Variants in PIKFYVE observed in about 807,000 individuals in gnomAD.
The protein encoded by PIKFYVE is phosphoinositide kinase, FYVE-type zinc finger containing, also known as 1-phosphatidylinositol 3-phosphate 5-kinase.
In PIKFYVE, 122 loss-of-function variants were observed where a neutral mutation model predicts 257.9. That is an observed-to-expected ratio of 0.47 (90% CI 0.41 to 0.55). PIKFYVE has a LOEUF of 0.55. Among genes scored for constraint, PIKFYVE ranks in the 20% least tolerant of loss-of-function variants. The pLI, the probability that PIKFYVE is intolerant of heterozygous loss-of-function variation, is 0.00. For synonymous variants in PIKFYVE, 892 were observed against 868.9 expected, an observed-to-expected ratio of 1.03 and a Z score of -0.47; for missense variants, 2,160 against 2,536.6, an observed-to-expected ratio of 0.85 and a Z score of 3.19.
intron 31 of PIKFYVE, 72 bp from the exon 32 acceptor site, chr2:208,342,482 T>G (rs1698802370): frequency 8.8e-7 from 1 of 1,139,584 alleles, no homozygotes; most frequent in Non-Finnish European, 1.3e-6. Context: ...TCTGCATACA[T>G]TTTGGCTTTC....
intron 36 of PIKFYVE, among the ~76,000 whole-genome samples, chr2:208,350,463 A>G (rs1699672805): frequency 6.6e-6 from 1 of 152,220 alleles, no homozygotes; most frequent in African/African-American, 2.4e-5. Context: ...ATTACTATAA[A>G]AGTACAATGA....
At chr2:208,353,756 A>C in intron 39 of PIKFYVE, 142 bp from the exon 40 acceptor site, 3 of 956,262 alleles carry the variant, frequency 3.1e-6, no homozygotes, top group Non-Finnish European at 4.7e-6. Flanking sequence ...CTTAAAAATT[A>C]TGATTCAATT....
Position 208,335,820 on chromosome 2 carries a change from T to G in PIKFYVE, c.4284T>G (p.Asp1428Glu). ...TTTCACAGGTATATGTTGCCATTGA[T>G]GAAAGACTTGCATCTTTGAAAACTG... is the stretch of plus-strand genomic sequence containing the variant. Reference protein sequence around the residue: ...QKVSQVYVAIDERLASLKTDT... With the variant: ...QKVSQVYVAIEERLASLKTDT... Residue 1428 changes from aspartate to glutamate, a missense_variant, in exon 26 of 42, where the codon GAT becomes GAG. Physicochemically the swap from Asp to Glu is conservative, Grantham distance 45 (BLOSUM62 2). Transcript: ENST00000264380. 2.5e-6 allele frequency: 4 copies of G among 1,613,022 alleles called. No individual in the cohort carries two copies. Among genetic ancestry groups the G allele is most frequent in the Non-Finnish European group, 3.4e-6 (4 of 1,179,234 alleles).
chr2:208,328,339 AAAAAC>A, intron 21 of PIKFYVE, 59 bp downstream of exon 21: 1 of 1,602,580 alleles, frequency 6.2e-7, no homozygotes. Flanking sequence ...GCAATTAAAA[AAAAAC>A]AAAAACAAAA....
rs561050569 is a variant in PIKFYVE, at chr2:208,320,114, A to G, written c.2083-138A>G. 3.7e-5 allele frequency: 46 copies of G among 1,245,698 alleles called. No homozygotes were observed. The South Asian group carries it at 4.6e-4, about 12-fold the overall frequency. The allele number at this position is 1,245,698 out of a possible 1,614,324, so 77.2% of individuals were successfully genotyped here. A position where few individuals can be genotyped will look rare whatever the true frequency, so the allele number is the denominator to read the frequency against. ...AAATTTAATACCGTAAAAGAACTAA[A>G]TGAGAATATATTAATACTAATATGA... On this transcript the variant is annotated intron_variant, in intron 16 of 41. Coordinates refer to ENST00000264380, the MANE Select transcript of PIKFYVE (RefSeq NM_015040.4).
At chr2:208,279,985 G>A (rs759246489) in intron 5 of PIKFYVE, among the ~76,000 whole-genome samples, 18 of 152,218 alleles carry the variant, frequency 1.2e-4, no homozygotes, top group Admixed American at 3.3e-4. Flanking sequence ...CAAGATTACA[G>A]CTTTTAAAAT....
chr2:208,348,145 T>A, intron 35 of PIKFYVE, 122 bp downstream of exon 35: 4 of 1,262,332 alleles, frequency 3.2e-6, no homozygotes, highest in Non-Finnish European at 4.5e-6. Context: ...TTCCCTCTGT[T>A]CTCACTTGTC....
chr2:208,307,572 AT>A (rs56834216), intron 12 of PIKFYVE, among the ~76,000 whole-genome samples: 141,769 of 145,378 alleles, frequency 0.98, 69,150 homozygotes, highest in East Asian at 1. Context: ...TGATAGATAC[AT>A]TTTTTTTTTT....
At chr2:208,274,919 A>G (rs542346826) in intron 3 of PIKFYVE, among the ~76,000 whole-genome samples, 2 of 152,294 alleles carry the variant, frequency 1.3e-5, no homozygotes, top group Admixed American at 1.3e-4. Flanking sequence ...AAAATGTAAT[A>G]TTTTAGGAGT....
At chr2:208,270,047 T>TC (rs1462192201) in intron 1 of PIKFYVE, 1 of 160,804 alleles carries the variant, frequency 6.2e-6, no homozygotes, top group African/African-American at 2.8e-5. Flanking sequence ...ATTTTTTTTT[T>TC]TTTTTTTTTT....
At chr2:208,284,162 G>T (rs938501953) in intron 5 of PIKFYVE, among the ~76,000 whole-genome samples, 5 of 151,276 alleles carry the variant, frequency 3.3e-5, no homozygotes, top group Non-Finnish European at 7.4e-5. Flanking sequence ...AAATAGAGTA[G>T]AAATGAAAAC....
intron 41 of PIKFYVE, 46 bp from the exon 42 acceptor site, chr2:208,355,144 C>A: frequency 6.9e-7 from 1 of 1,454,654 alleles, no homozygotes; most frequent in Non-Finnish European, 9.6e-7. Flanking sequence ...GTTGCCCAAT[C>A]AATTATATAA....
intron 1 of PIKFYVE, chr2:208,269,523 G>T: frequency 3.6e-6 from 1 of 275,420 alleles, no homozygotes; most frequent in Non-Finnish European, 7.5e-6. Context: ...CCTCCAGGTA[G>T]TCCTCATATG....
At chr2:208,288,650 C>A in intron 6 of PIKFYVE, 79 bp from the exon 7 acceptor site, 2 of 1,577,824 alleles carry the variant, frequency 1.3e-6, no homozygotes, top group Non-Finnish European at 1.7e-6. Flanking sequence ...ATTAAATCTG[C>A]TTTTAATGTT....
At chr2:208,330,001 AG>A in intron 22 of PIKFYVE, 88 bp downstream of exon 22, 1 of 1,528,886 alleles carries the variant, frequency 6.5e-7, no homozygotes, top group Non-Finnish European at 8.9e-7. Context: ...TCGGATGTTA[AG>A]TGACTGTTAC....
intron 3 of PIKFYVE, among the ~76,000 whole-genome samples, chr2:208,274,398 C>T (rs2125028019): frequency 6.6e-6 from 1 of 152,198 alleles, no homozygotes; most frequent in East Asian, 1.9e-4. Context: ...AGTGGTTTGC[C>T]TAAGTCAAGG....
At chr2:208,348,895 G>A (rs1005710834) in intron 35 of PIKFYVE, among the ~76,000 whole-genome samples, 2 of 152,128 alleles carry the variant, frequency 1.3e-5, no homozygotes, top group African/African-American at 4.8e-5. Context: ...CAACTGCTGG[G>A]CCCAGTATGG....
chr2:208,347,112 A>G (rs1323649411), intron 34 of PIKFYVE, among the ~76,000 whole-genome samples: 1 of 152,114 alleles, frequency 6.6e-6, no homozygotes, highest in Admixed American at 6.5e-5. Flanking sequence ...CTCTTCCCCT[A>G]AGTTGGCATT....
At chr2:208,271,469 C>T in intron 1 of PIKFYVE, 42 bp from the exon 2 acceptor site, 1 of 1,593,378 alleles carries the variant, frequency 6.3e-7, no homozygotes, top group South Asian at 1.1e-5. Context: ...TTTTGAGCTT[C>T]CTGAGGAATT....
Sources: allele counts gnomAD v4.1 joint callset (sites outside exome capture counted in the v4.1 genomes callset), GRCh38; gene constraint gnomAD v4.1.1; transcripts MANE v1.5; gene names NCBI Gene and HGNC (gene_info 2026-07-23, HGNC 2026-07-21).